The following RAB27A variants were observed in gnomAD, a reference collection of about 807,000 sequenced individuals.
The protein encoded by RAB27A is RAB27A, member RAS oncogene family.
Under a neutral mutation model 20.8 loss-of-function variants are expected in RAB27A, and 17 were observed. That is an observed-to-expected ratio of 0.82 (90% CI 0.56 to 1.23). The LOEUF (loss-of-function observed/expected upper bound fraction) is 1.23, where lower values mean the gene tolerates loss of function less well. RAB27A is among the 50% of genes most tolerant of loss of function. The pLI, the probability that RAB27A is intolerant of heterozygous loss-of-function variation, is 0.00. For synonymous variants in RAB27A, 85 were observed against 92.8 expected (o/e 0.92, Z 0.48); for missense variants, 277 against 266.7 (o/e 1.04, Z -0.27).
rs550943782 is a variant in RAB27A at position 55,318,697 on chromosome 15, G to C, written c.-234+234C>G. On this transcript the variant is annotated intron_variant, in intron 1 of 5. Coordinates refer to the RAB27A transcript ENST00000563262. The stretch of plus-strand genomic sequence containing the variant: ...GCCTGGACTACAAGAGCGAAACTCC[G>C]TCTCAAAAAAAAAAACAAAAACAAA... Among the ~76,000 whole-genome samples, 4 of 135,814 alleles carry C rather than the reference G, an allele frequency of 2.9e-5. No homozygotes were observed. In the East Asian group the frequency reaches 7.1e-4, roughly 24 times the overall value. The allele number at this position is 135,814 out of a possible 152,430, so 89.1% of individuals were successfully genotyped here.
intron 2 of RAB27A, among the ~76,000 whole-genome samples, chr15:55,311,217 T>C (rs1455245625): frequency 1.3e-5 from 2 of 152,214 alleles, no homozygotes; most frequent in South Asian, 2.1e-4. Context: ...AGCAGTAACA[T>C]TGTATCTCTC....
At position 55,317,981 on chromosome 15, in the gene RAB27A, A is replaced by C. The variant is rs1295537206; in HGVS notation, c.-234+950T>G. ...ATATTTTTATAATATGTTACTAATT[A>C]AAACAAGAATATAAATACATAAGGA... is the stretch of plus-strand genomic sequence containing the variant. On this transcript the variant is annotated intron_variant, in intron 1 of 5. Transcript: ENST00000563262. 19 of 357,004 alleles carry C rather than the reference A, an allele frequency of 5.3e-5. No homozygotes were observed. In the East Asian group the frequency reaches 7.7e-4, roughly 14 times the overall value. The allele number at this position is 357,004 out of a possible 1,614,324, so 22.1% of individuals were successfully genotyped here.
upstream of RAB27A, among the ~76,000 whole-genome samples, chr15:55,292,996 A>G (rs2141139607): frequency 6.6e-6 from 1 of 152,352 alleles, no homozygotes; most frequent in East Asian, 1.9e-4. Flanking sequence ...GAAACTAAGT[A>G]CACTGAACAC....
chr15:55,217,735 A>C (rs1895378124), intron 6 of RAB27A, among the ~76,000 whole-genome samples: 1 of 149,528 alleles, frequency 6.7e-6, no homozygotes. Flanking sequence ...CCATAGAAAG[A>C]GTGCTATTGT....
chr15:55,261,865 C>G (rs528711977), intron 2 of RAB27A, among the ~76,000 whole-genome samples: 1 of 151,550 alleles, frequency 6.6e-6, no homozygotes. Flanking sequence ...TGGTGCAATC[C>G]CATCTCTACT....
At chr15:55,210,413 T>TTTG (rs1555391926) in intron 6 of RAB27A, among the ~76,000 whole-genome samples, 2 of 77,146 alleles carry the variant, frequency 2.6e-5, no homozygotes, top group African/African-American at 1.3e-4. Flanking sequence ...TTAGGTGTGG[T>TTTG]TTTTTTTTTT....
chr15:55,294,081 T>G (rs2054937282), upstream of RAB27A, among the ~76,000 whole-genome samples: 1 of 151,946 alleles, frequency 6.6e-6, no homozygotes, highest in East Asian at 1.9e-4. Context: ...ACCCAAAAAT[T>G]TAAAAAGTTC....
intron 5 of RAB27A, among the ~76,000 whole-genome samples, chr15:55,226,025 G>C (rs1050636517): frequency 2.6e-5 from 4 of 152,108 alleles, no homozygotes; most frequent in African/African-American, 9.7e-5. Flanking sequence ...CAGACAGAGA[G>C]AATAATGGGA....
upstream of RAB27A, chr15:55,289,835 C>G (rs539055455): frequency 1.3e-5 from 2 of 152,334 alleles, no homozygotes; most frequent in East Asian, 1.9e-4. Context: ...CATCACTTCC[C>G]GTAAAGGAGA....
intron 2 of RAB27A, chr15:55,269,837 G>A (rs1897646810): frequency 6.6e-6 from 1 of 152,096 alleles, no homozygotes; most frequent in South Asian, 2.1e-4. Context: ...ACCCTCAGAG[G>A]ATAAGCAAGA....
intron 1 of RAB27A, among the ~76,000 whole-genome samples, chr15:55,277,608 G>C (rs925639839): frequency 6.6e-6 from 1 of 151,998 alleles, no homozygotes. Context: ...TACCCCTTCC[G>C]ATGCACTGTT....
rs547578105 is a variant in RAB27A at position 55,273,855 on chromosome 15, A to G, written c.-142-3571T>C. ...AACAGATCATCCAGATAGAAAATCA[A>G]TAAGGAAATGGCAGATCTGAACAAC... On this transcript the variant is annotated intron_variant, in intron 1 of 6. Transcript: ENST00000336787. 8.5e-5 allele frequency among the ~76,000 whole-genome samples: 13 copies of G among 152,378 alleles called. No individual in the cohort carries two copies. The South Asian group carries it at 2.7e-3, about 32-fold the overall frequency.
intron 1 of RAB27A, chr15:55,317,791 A>T (rs2055062733): frequency 5.0e-6 from 2 of 398,250 alleles, no homozygotes; most frequent in Non-Finnish European, 8.9e-6. Flanking sequence ...TCTCCTAAAC[A>T]TTGCTGCAAC....
At chr15:55,287,336 A>G (rs1424131832) in intron 1 of RAB27A, among the ~76,000 whole-genome samples, 1 of 152,224 alleles carries the variant, frequency 6.6e-6, no homozygotes, top group East Asian at 1.9e-4. Flanking sequence ...AGACTAGGGG[A>G]AAAGCAGCTT....
At chr15:55,209,352 C>A (rs138619687) in intron 6 of RAB27A, among the ~76,000 whole-genome samples, 2,451 of 152,252 alleles carry the variant, frequency 0.016, 37 homozygotes, top group Middle Eastern at 0.041. Context: ...TTCATGAGAT[C>A]CACCTTTGTA....
chr15:55,310,193 T>C (rs1595757428), intron 2 of RAB27A, among the ~76,000 whole-genome samples: 1 of 152,098 alleles, frequency 6.6e-6, no homozygotes, highest in Non-Finnish European at 1.5e-5. Context: ...CTGGGAGAAG[T>C]ATCTAGTGAC....
intron 6 of RAB27A, among the ~76,000 whole-genome samples, chr15:55,215,901 G>T (rs574464780): frequency 6.9e-6 from 1 of 144,602 alleles, no homozygotes; most frequent in African/African-American, 2.6e-5. Flanking sequence ...AGCCGAGATC[G>T]TGCTACGGCA....
rs886051316 is a variant in RAB27A at position 55,205,386 on chromosome 15, T to C, written c.*121A>G. ...CCGGATGCTTTATTCGTAGGTCTAA[T>C]GGGGATGGTGAGAAGCAATTTGTAC... On this transcript the variant is annotated 3_prime_UTR_variant, in exon 7 of 7. Transcript: ENST00000336787. 3.8e-5 allele frequency: 38 copies of C among 998,590 alleles called. No individual in the cohort carries two copies. In the East Asian group the frequency reaches 8.3e-4, roughly 22 times the overall value. The allele number at this position is 998,590 out of a possible 1,614,324, so 61.9% of individuals were successfully genotyped here.
chr15:55,281,798 C>T (rs1281099866), intron 1 of RAB27A, among the ~76,000 whole-genome samples: 3 of 151,940 alleles, frequency 2.0e-5, no homozygotes, highest in African/African-American at 7.3e-5. Context: ...AAACCAGAGG[C>T]CCTTACAGAC....
Sources: allele counts gnomAD v4.1 joint callset (sites outside exome capture counted in the v4.1 genomes callset), GRCh38; gene constraint gnomAD v4.1.1; transcripts MANE v1.5; gene names NCBI Gene and HGNC (gene_info 2026-07-23, HGNC 2026-07-21).